SYN2: variants seen among roughly 807,000 people sequenced by gnomAD.
SYN2 encodes synapsin II.
In SYN2, 19 loss-of-function variants were observed where a neutral mutation model predicts 50.9. That is an observed-to-expected ratio of 0.37 (90% CI 0.26 to 0.55). SYN2 has a LOEUF of 0.55. Ranked by LOEUF, SYN2 falls within the 20% of genes least tolerant of loss-of-function variation. The probability of loss-of-function intolerance (pLI) is 0.81; values close to 1 mark genes in which losing one functional copy is unlikely to be tolerated. For missense variants in SYN2, 587 were observed against 576.4 expected (o/e 1.02, Z -0.19); for synonymous variants, 255 against 224.9 (o/e 1.13, Z -1.20).
chr3:12,092,357 A>G (rs887354959), intron 1 of SYN2, among the ~76,000 whole-genome samples: 35 of 152,218 alleles, frequency 2.3e-4, no homozygotes, highest in East Asian at 5.8e-4. Flanking sequence ...TTAAGACACA[A>G]TCATTGCTTT....
chr3:12,161,891 C>T (rs980416032), intron 6 of SYN2, 121 bp from the exon 7 acceptor site: 1 of 1,403,168 alleles, frequency 7.1e-7, no homozygotes, highest in South Asian at 1.4e-5. Context: ...GATGTGGCAC[C>T]CAGATTAGTG....
At chr3:12,026,303 TATA>T (rs1694255865) in intron 1 of SYN2, among the ~76,000 whole-genome samples, 1 of 152,148 alleles carries the variant, frequency 6.6e-6, no homozygotes, top group African/African-American at 2.4e-5. Context: ...TGAAATCCAC[TATA>T]ATAGATGATA....
At chr3:12,010,563 G>A (rs886313194) in intron 1 of SYN2, among the ~76,000 whole-genome samples, 2 of 152,228 alleles carry the variant, frequency 1.3e-5, no homozygotes, top group Admixed American at 6.5e-5. Context: ...CCATTAAAAT[G>A]TGCCACCATG....
chr3:12,010,530 A>C (rs1170430374), intron 1 of SYN2, among the ~76,000 whole-genome samples: 1 of 152,248 alleles, frequency 6.6e-6, no homozygotes. Context: ...CTGGGGAATG[A>C]AGATCTTGTA....
chr3:12,093,121 A>G (rs189693585), intron 1 of SYN2, among the ~76,000 whole-genome samples: 1 of 152,302 alleles, frequency 6.6e-6, no homozygotes. Flanking sequence ...TCTAGCTCCA[A>G]TATTCTGTGA....
chr3:12,171,287 G>T (rs1468968536), intron 10 of SYN2, among the ~76,000 whole-genome samples: 2 of 152,034 alleles, frequency 1.3e-5, no homozygotes, highest in Non-Finnish European at 2.9e-5. Context: ...AAAATATCAG[G>T]CCTATGGTGA....
chr3:12,050,060 C>G (rs539959075), intron 1 of SYN2, among the ~76,000 whole-genome samples: 2 of 152,000 alleles, frequency 1.3e-5, no homozygotes, highest in Non-Finnish European at 2.9e-5. Context: ...CCACCACGCC[C>G]GGCTAATTTT....
intron 4 of SYN2, among the ~76,000 whole-genome samples, chr3:12,146,484 TTC>T (rs1697152797): frequency 6.6e-6 from 1 of 152,194 alleles, no homozygotes; most frequent in Non-Finnish European, 1.5e-5. Flanking sequence ...GGATGCCAGT[TTC>T]TGAGATTTTT....
chr3:12,158,509 A>G, intron 5 of SYN2: 1 of 719,638 alleles, frequency 1.4e-6, no homozygotes, highest in Non-Finnish European at 2.2e-6. Flanking sequence ...TCATTTCCTT[A>G]TGAATCAGTC....
chr3:12,047,697 G>A (rs537091911), intron 1 of SYN2, among the ~76,000 whole-genome samples: 3 of 152,180 alleles, frequency 2.0e-5, no homozygotes, highest in African/African-American at 7.2e-5. Context: ...GCGAGTGATG[G>A]ATTGGGGACA....
intron 10 of SYN2, among the ~76,000 whole-genome samples, chr3:12,172,936 CTG>C (rs1436023875): frequency 6.6e-6 from 1 of 152,238 alleles, no homozygotes; most frequent in Non-Finnish European, 1.5e-5. Flanking sequence ...TGGGCAAGGA[CTG>C]TGCCTTATTG....
At chr3:12,135,620 T>C (rs1224792702) in intron 1 of SYN2, among the ~76,000 whole-genome samples, 1 of 152,208 alleles carries the variant, frequency 6.6e-6, no homozygotes, top group East Asian at 1.9e-4. Flanking sequence ...TCAGGTCCAT[T>C]AGCTCCAATA....
intron 1 of SYN2, chr3:12,070,547 G>A: frequency 9.5e-7 from 1 of 1,049,630 alleles, no homozygotes; most frequent in Non-Finnish European, 1.4e-6. Context: ...ACCTGGTGCT[G>A]CTGACGGAGG....
intron 1 of SYN2, among the ~76,000 whole-genome samples, chr3:12,031,981 G>T (rs1387264787): frequency 1.4e-4 from 21 of 148,588 alleles, no homozygotes; most frequent in African/African-American, 4.2e-4. Flanking sequence ...AGTCTCAATG[G>T]TCTTTACAAT....
intron 12 of SYN2, among the ~76,000 whole-genome samples, chr3:12,188,174 G>A (rs1195639685): frequency 1.3e-5 from 2 of 152,194 alleles, no homozygotes; most frequent in Non-Finnish European, 2.9e-5. Flanking sequence ...TTTCTGGTGT[G>A]GGCAGCAGAG....
intron 5 of SYN2, among the ~76,000 whole-genome samples, chr3:12,156,603 C>A (rs1039701220): frequency 1.3e-5 from 2 of 152,148 alleles, no homozygotes; most frequent in Admixed American, 1.3e-4. Context: ...GAAACGGTGG[C>A]CAGGGTCACT....
intron 1 of SYN2, among the ~76,000 whole-genome samples, chr3:12,047,056 C>G (rs186550506): frequency 9.9e-5 from 15 of 152,188 alleles, no homozygotes; most frequent in Admixed American, 7.2e-4. Context: ...AAAGCACTAC[C>G]TTGTTTTTTT....
chr3:12,180,584 G>A lies in SYN2; in HGVS notation c.1309-2728G>A, dbSNP rs1428302816. On this transcript the variant is annotated intron_variant, in intron 10 of 12. Coordinates refer to ENST00000621198, the MANE Select transcript of SYN2 (RefSeq NM_133625.6). Reference sequence around the variant, plus strand: ...TTGTAGGTGGAGCCAGGGTGTCTCAGCCTGGCAAGGGACAGTCCTTGGGAA... The same window carrying A: ...TTGTAGGTGGAGCCAGGGTGTCTCAACCTGGCAAGGGACAGTCCTTGGGAA... Among the ~76,000 whole-genome samples, 5 of 152,184 alleles carry A rather than the reference G, an allele frequency of 3.3e-5. No homozygotes were observed. The East Asian group carries it at 9.6e-4, about 29-fold the overall frequency.
chr3:12,138,590 G>C (rs74806943), intron 1 of SYN2, among the ~76,000 whole-genome samples: 27,119 of 152,078 alleles, frequency 0.18, 3,178 homozygotes, highest in Non-Finnish European at 0.27. Flanking sequence ...AATTGTCCTG[G>C]GCTTCAGTTT....
Sources: gnomAD v4.1 joint callset for allele counts (sites outside exome capture counted in the v4.1 genomes callset) on GRCh38, gnomAD v4.1.1 for gene constraint, MANE v1.5 for transcripts, NCBI Gene and HGNC (gene_info 2026-07-23, HGNC 2026-07-21) for gene names.